The following KIRREL3 variants were observed in gnomAD, a reference collection of about 807,000 sequenced individuals.
KIRREL3 encodes the protein kirre like nephrin family adhesion molecule 3.
Under a neutral mutation model 89.7 loss-of-function variants are expected in KIRREL3, and 36 were observed. The ratio of observed to expected loss-of-function variants is 0.40; its 90% confidence interval spans 0.31 to 0.53. The LOEUF (loss-of-function observed/expected upper bound fraction) is 0.53. Ranked by LOEUF, KIRREL3 falls within the 20% of genes least tolerant of loss-of-function variation. The pLI is 0.49. For synonymous variants in KIRREL3, 445 were observed against 441.4 expected, an observed-to-expected ratio of 1.01 and a Z score of -0.10; for missense variants, 864 against 1,056.6, an observed-to-expected ratio of 0.82 and a Z score of 2.53.
intron 1 of KIRREL3, among the ~76,000 whole-genome samples, chr11:126,679,637 T>C (rs147052482): frequency 2.7e-3 from 407 of 152,348 alleles, no homozygotes; most frequent in Middle Eastern, 0.01. Flanking sequence ...AACACTGAAC[T>C]CTGGGAATGA....
rs1008392645 is a variant in KIRREL3, at chr11:126,492,222, A to G, written c.434-18756T>C. ...GAAGATGGGCTCAGGCTGCAGCGTGAGGGAGTGAGGTTAGACATCTGGAAG... is the reference window on the plus strand; with the variant it reads ...GAAGATGGGCTCAGGCTGCAGCGTGGGGGAGTGAGGTTAGACATCTGGAAG... On this transcript the variant is annotated intron_variant, in intron 4 of 16. Coordinates refer to ENST00000525144, the MANE Select transcript of KIRREL3 (RefSeq NM_032531.4). This position sits in a 1 kb window ranked among gnomAD's most constrained non-coding sequence, Gnocchi z 4.8. Among the ~76,000 whole-genome samples the G allele has an allele frequency of 6.6e-6, 1 of 152,116 alleles. No homozygotes were observed. The highest frequency in any genetic ancestry group is 2.4e-5 in the African/African-American group (1 of 41,420).
At chr11:126,509,707 C>G (rs1313295639) in intron 4 of KIRREL3, among the ~76,000 whole-genome samples, 2 of 152,188 alleles carry the variant, frequency 1.3e-5, no homozygotes, top group East Asian at 1.9e-4. Context: ...TCTCAGCACT[C>G]AAATTGGGCC....
intron 16 of KIRREL3, 117 bp from the exon 17 acceptor site, chr11:126,425,140 A>G: frequency 1.0e-6 from 1 of 981,858 alleles, no homozygotes; most frequent in South Asian, 1.8e-5. Flanking sequence ...AACAGGAGGA[A>G]GGGAGCAACC....
Position 126,978,289 on chromosome 11 carries a change from T to G in KIRREL3, c.55+22166A>C, listed in dbSNP as rs887069176. Among the ~76,000 whole-genome samples the G allele has an allele frequency of 3.9e-5, 6 of 152,224 alleles. No homozygotes were observed. Among genetic ancestry groups the G allele is most frequent in the African/African-American group, 1.4e-4 (6 of 41,452 alleles). The stretch of plus-strand genomic sequence containing the variant: ...CTACCAACATTCTTCCTGTGTCAGA[T>G]CTGTCCTCCCCTGTGGTGGGCGTGT... On this transcript the variant is annotated intron_variant, in intron 1 of 16. Coordinates refer to ENST00000525144, the MANE Select transcript of KIRREL3 (RefSeq NM_032531.4). The surrounding 1 kb of genome is among the most constrained non-coding windows in gnomAD (Gnocchi z 4.2).
intron 1 of KIRREL3, among the ~76,000 whole-genome samples, chr11:126,596,509 G>A (rs935820592): frequency 3.3e-5 from 5 of 152,368 alleles, no homozygotes; most frequent in South Asian, 2.1e-4. Flanking sequence ...AGGTAGGAAT[G>A]TGATGACCTC....
intron 1 of KIRREL3, among the ~76,000 whole-genome samples, chr11:126,951,052 A>G (rs1428818526): frequency 6.6e-6 from 1 of 152,222 alleles, no homozygotes; most frequent in Non-Finnish European, 1.5e-5. Context: ...TCTTAACCCA[A>G]TCACATCTTC....
rs1432018196 is a variant in KIRREL3, at chr11:126,685,912, C to T, written c.56-123000G>A. Among the ~76,000 whole-genome samples the T allele has an allele frequency of 6.6e-6, 1 of 152,228 alleles. No individual in the cohort carries two copies. The highest frequency in any genetic ancestry group is 6.5e-5 in the Admixed American group (1 of 15,290). On this transcript the variant is annotated intron_variant, in intron 1 of 16. Coordinates refer to ENST00000525144, the MANE Select transcript of KIRREL3 (RefSeq NM_032531.4). This position sits in a 1 kb window ranked among gnomAD's most constrained non-coding sequence, Gnocchi z 5.5. The stretch of plus-strand genomic sequence containing the variant: ...GGGCTCTTCACGTGGCATCCTGTGC[C>T]TGCTCAATGCTGAATCTGCTTCCCA...
In KIRREL3 at chr11:126,431,517, G is replaced by C. The variant is rs530880313; in HGVS notation, c.1598C>G (p.Pro533Arg). The change falls in exon 14 of 17, where the codon CCG becomes CGG. Residue 533 changes from proline to arginine, a missense_variant. Coordinates refer to ENST00000525144, the MANE Select transcript of KIRREL3 (RefSeq NM_032531.4). This position sits in a 1 kb window ranked among gnomAD's most constrained non-coding sequence, Gnocchi z 7.1. ...SGAGLEAESV[P>R]MAVIIGVAVG... is the part of the protein sequence containing the mutation. The stretch of plus-strand genomic sequence containing the variant: ...GGCCACCCCAATGATGACGGCCATC[G>C]GCACAGACTCTGTGGGAGAGAAGCG... 2 of 1,613,714 alleles carry C rather than the reference G, an allele frequency of 1.2e-6. No homozygotes were observed. Among genetic ancestry groups the C allele is most frequent in the Admixed American group, 3.3e-5 (2 of 60,012 alleles).
chr11:126,424,417 G>T lies in KIRREL3; in HGVS notation c.*163C>A. 8.9e-5 allele frequency: 38 copies of T among 427,442 alleles called. No homozygotes were observed. The highest frequency in any genetic ancestry group is 1.3e-4 in the Non-Finnish European group (30 of 231,262). The allele number at this position is 427,442 out of a possible 1,614,324, so 26.5% of individuals were successfully genotyped here. The stretch of plus-strand genomic sequence containing the variant: ...ACACAGCACCTGGGGACCCAGATTT[G>T]TGCTTGATCAGAGCTTCGAAGGAAG... On this transcript the variant is annotated 3_prime_UTR_variant, in exon 17 of 17. Coordinates refer to ENST00000525144, the MANE Select transcript of KIRREL3 (RefSeq NM_032531.4).
rs1012625130 is a variant in KIRREL3, at chr11:126,837,578, G to T, written c.55+162877C>A. On this transcript the variant is annotated intron_variant, in intron 1 of 16. Coordinates refer to ENST00000525144, the MANE Select transcript of KIRREL3 (RefSeq NM_032531.4). The surrounding 1 kb of genome is among the most constrained non-coding windows in gnomAD (Gnocchi z 4.7). ...CCTCTTCCCACCTCTTCCAATCCTCGCTACATCCAGGAACTTACTCTGCTG... is the reference window on the plus strand; with the variant it reads ...CCTCTTCCCACCTCTTCCAATCCTCTCTACATCCAGGAACTTACTCTGCTG... Among the ~76,000 whole-genome samples, 1 of 152,082 alleles carries T rather than the reference G, an allele frequency of 6.6e-6. No individual in the cohort carries two copies. Among genetic ancestry groups the T allele is most frequent in the Non-Finnish European group, 1.5e-5 (1 of 68,010 alleles).
Position 126,904,513 on chromosome 11 carries a change from C to G in KIRREL3, c.55+95942G>C, listed in dbSNP as rs1481034733. 6.6e-6 allele frequency among the ~76,000 whole-genome samples: 1 copy of G among 152,170 alleles called. No individual in the cohort carries two copies. Among genetic ancestry groups the G allele is most frequent in the Admixed American group, 6.5e-5 (1 of 15,286 alleles). On this transcript the variant is annotated intron_variant, in intron 1 of 16. Coordinates refer to ENST00000525144, the MANE Select transcript of KIRREL3 (RefSeq NM_032531.4). This position sits in a 1 kb window ranked among gnomAD's most constrained non-coding sequence, Gnocchi z 4.4. ...ATCTTTTATGAATTAGAAGTCATTC[C>G]TAATAACATTTCCTTAAAACTTCTT... is the stretch of plus-strand genomic sequence containing the variant.
rs1295313540 is a variant in KIRREL3 at position 126,568,447 on chromosome 11, C to T, written c.56-5535G>A. ...GGAAGGACCCTCAGTTTTATCCTGA[C>T]ATTCATCCCTGCCACGTTGACATAG... is the stretch of plus-strand genomic sequence containing the variant. On this transcript the variant is annotated intron_variant, in intron 1 of 16. Transcript: ENST00000525144. This position sits in a 1 kb window ranked among gnomAD's most constrained non-coding sequence, Gnocchi z 4.6. 6.6e-6 allele frequency among the ~76,000 whole-genome samples: 1 copy of T among 152,200 alleles called. No individual in the cohort carries two copies. The highest frequency in any genetic ancestry group is 6.5e-5 in the Admixed American group (1 of 15,286).
At position 126,477,187 on chromosome 11, in the gene KIRREL3, T is replaced by TGA. The variant is rs1287774494; in HGVS notation, c.434-3723_434-3722dup. Among the ~76,000 whole-genome samples, 3 of 152,164 alleles carry TGA rather than the reference T, an allele frequency of 2.0e-5. No individual in the cohort carries two copies. The highest frequency in any genetic ancestry group is 4.4e-5 in the Non-Finnish European group (3 of 68,024). On this transcript the variant is annotated intron_variant, in intron 4 of 16. Transcript: ENST00000525144. The surrounding 1 kb of genome is among the most constrained non-coding windows in gnomAD (Gnocchi z 4.8). ...TGCACCCAGCTGGCTCCTGGGGCAT[T>TGA]GATTATGAAAGAAACACATCATCGC...
intron 1 of KIRREL3, among the ~76,000 whole-genome samples, chr11:126,888,116 A>T (rs760494478): frequency 2.6e-5 from 4 of 152,220 alleles, no homozygotes. Flanking sequence ...GGAATCTGCA[A>T]AGAGTGATAT....
chr11:126,618,043 T>A (rs1054886464), intron 1 of KIRREL3, among the ~76,000 whole-genome samples: 1 of 152,222 alleles, frequency 6.6e-6, no homozygotes, highest in African/African-American at 2.4e-5. Flanking sequence ...CTTAGCACCA[T>A]CCCTTCAGTG....
At chr11:126,856,598 T>C (rs550759538) in intron 1 of KIRREL3, among the ~76,000 whole-genome samples, 4 of 120,630 alleles carry the variant, frequency 3.3e-5, no homozygotes, top group Non-Finnish European at 5.0e-5. Context: ...TATATATATG[T>C]ATATATACAC....
rs1948092100 is a variant in KIRREL3 at position 126,719,549 on chromosome 11, T to G, written c.56-156637A>C. On this transcript the variant is annotated intron_variant, in intron 1 of 16. Coordinates refer to ENST00000525144, the MANE Select transcript of KIRREL3 (RefSeq NM_032531.4). This position sits in a 1 kb window ranked among gnomAD's most constrained non-coding sequence, Gnocchi z 4.7. The stretch of plus-strand genomic sequence containing the variant: ...CTTGCTGGGCATTTCCATTTGAACA[T>G]CTCTTAGGTTTCTAAAATGTAACTC... 6.6e-6 allele frequency among the ~76,000 whole-genome samples: 1 copy of G among 152,110 alleles called. No individual in the cohort carries two copies. Among genetic ancestry groups the G allele is most frequent in the Non-Finnish European group, 1.5e-5 (1 of 68,020 alleles).
Position 126,976,879 on chromosome 11 carries a change from C to T in KIRREL3, c.55+23576G>A, listed in dbSNP as rs1467855474. Among the ~76,000 whole-genome samples, 2 of 152,104 alleles carry T rather than the reference C, an allele frequency of 1.3e-5. No individual in the cohort carries two copies. The highest frequency in any genetic ancestry group is 2.1e-4 in the South Asian group (1 of 4,824). On this transcript the variant is annotated intron_variant, in intron 1 of 16. Transcript: ENST00000525144. The surrounding 1 kb of genome is among the most constrained non-coding windows in gnomAD (Gnocchi z 4.2). ...ATCCTTGATCTGGGTGACTCTAAAC[C>T]ACCAACTTGTATGATCTCTTCCTGT...
Position 126,948,916 on chromosome 11 carries a change from C to T in KIRREL3, c.55+51539G>A, listed in dbSNP as rs1948697348. Among the ~76,000 whole-genome samples, 1 of 152,190 alleles carries T rather than the reference C, an allele frequency of 6.6e-6. No homozygotes were observed. On this transcript the variant is annotated intron_variant, in intron 1 of 16. Transcript: ENST00000525144. This position sits in a 1 kb window ranked among gnomAD's most constrained non-coding sequence, Gnocchi z 4.5. ...AATCCCATATACATATACCATATAA[C>T]ATGCTGGGCTAGGAGAAGAATGCCT...
Sources: gnomAD v4.1 joint callset for allele counts (sites outside exome capture counted in the v4.1 genomes callset) on GRCh38, gnomAD v4.1.1 for gene constraint, Gnocchi (gnomAD v3.1) non-coding constraint, MANE v1.5 for transcripts, NCBI Gene and HGNC (gene_info 2026-07-23, HGNC 2026-07-21) for gene names.